Variants in PDZRN3 observed in about 807,000 individuals in gnomAD.
PDZRN3 encodes the protein E3 ubiquitin-protein ligase PDZRN3.
In PDZRN3, 38 loss-of-function variants were observed where a neutral mutation model predicts 85.7. The ratio of observed to expected loss-of-function variants is 0.44; its 90% CI spans 0.34 to 0.58. The LOEUF is 0.58. Among genes scored for constraint, PDZRN3 ranks in the 20% least tolerant of loss-of-function variants. The pLI, the probability that PDZRN3 is intolerant of heterozygous loss-of-function variation, is 0.01. For missense variants in PDZRN3, 1,629 were observed against 1,506.4 expected (o/e 1.08, Z -1.35); for synonymous variants, 759 against 638.0 (o/e 1.19, Z -2.86).
Position 73,387,961 on chromosome 3 carries a change from A to C in PDZRN3, c.1518+7T>G, listed in dbSNP as rs6549532. ...GACCCAGTTTCATCTGTAGGAAGCC[A>C]ATTTACCTGGAGTTCAGGCCTTGCA... On this transcript the variant is annotated splice_region_variant and intron_variant, in intron 8 of 9. Coordinates refer to ENST00000263666, the MANE Select transcript of PDZRN3 (RefSeq NM_015009.3). 7.7e-6 allele frequency: 11 copies of C among 1,420,470 alleles called. No individual in the cohort carries two copies. Among genetic ancestry groups the C allele is most frequent in the Admixed American group, 3.7e-5 (2 of 54,512 alleles). The allele number at this position is 1,420,470 out of a possible 1,614,324, so 88.0% of individuals were successfully genotyped here.
chr3:73,613,493 G>A (rs1002261284), intron 1 of PDZRN3, among the ~76,000 whole-genome samples: 1 of 152,052 alleles, frequency 6.6e-6, no homozygotes, highest in Non-Finnish European at 1.5e-5. Context: ...GGGAGTACAG[G>A]GTACTTGGGG....
chr3:73,496,518 C>T (rs1431813899), intron 3 of PDZRN3, among the ~76,000 whole-genome samples: 1 of 151,236 alleles, frequency 6.6e-6, no homozygotes, highest in African/African-American at 2.4e-5. Flanking sequence ...TCCCAGAGAC[C>T]ATGTCATTTC....
chr3:73,433,311 G>A (rs1257199698), intron 3 of PDZRN3, among the ~76,000 whole-genome samples: 1 of 152,146 alleles, frequency 6.6e-6, no homozygotes, highest in Non-Finnish European at 1.5e-5. Context: ...TTGTTCAAAG[G>A]GTGCATGACC....
chr3:73,554,627 A>C (rs1701647355), intron 3 of PDZRN3, among the ~76,000 whole-genome samples: 1 of 152,186 alleles, frequency 6.6e-6, no homozygotes, highest in Non-Finnish European at 1.5e-5. Flanking sequence ...TGAGGTAAAG[A>C]CTTCCATATC....
At chr3:73,412,374 A>G (rs1701991420) in intron 3 of PDZRN3, among the ~76,000 whole-genome samples, 1 of 152,208 alleles carries the variant, frequency 6.6e-6, no homozygotes, top group Admixed American at 6.5e-5. Context: ...TTCTACTCTC[A>G]AGCCTCTAGT....
At chr3:73,414,293 G>C (rs1702032931) in intron 3 of PDZRN3, among the ~76,000 whole-genome samples, 1 of 152,146 alleles carries the variant, frequency 6.6e-6, no homozygotes, top group African/African-American at 2.4e-5. Context: ...AAACACAAAA[G>C]TCAGGTAACA....
intron 3 of PDZRN3, among the ~76,000 whole-genome samples, chr3:73,426,123 G>A (rs568734681): frequency 1.3e-5 from 2 of 152,190 alleles, no homozygotes; most frequent in Non-Finnish European, 2.9e-5. Context: ...GGATAATGCT[G>A]GAGCCTGGAG....
intron 3 of PDZRN3, among the ~76,000 whole-genome samples, chr3:73,562,576 T>C (rs1475321258): frequency 6.6e-6 from 1 of 152,156 alleles, no homozygotes; most frequent in Non-Finnish European, 1.5e-5. Flanking sequence ...CACAAACCTA[T>C]ATTTACCAAG....
In PDZRN3 at chr3:73,384,541, C is replaced by A; in HGVS notation, c.2025G>T (p.Lys675Asn). ...YYPSGPLDAG[K>N]SDPESVDKEL... ...CCTTGTCCACGCTCTCAGGGTCACT[C>A]TTGCCGGCGTCCAGGGGGCCGCTAG... The change falls in exon 10 of 10, where the codon AAG (lysine) becomes AAT (asparagine). Residue 675 changes from lysine (K) to asparagine (N), a missense_variant. By Grantham distance (94) the Lys-to-Asn change is moderately conservative (BLOSUM62 0). Coordinates refer to ENST00000263666, the MANE Select transcript of PDZRN3 (RefSeq NM_015009.3). 1 of 1,613,764 alleles carries A rather than the reference C, an allele frequency of 6.2e-7. No individual in the cohort carries two copies. Among genetic ancestry groups the A allele is most frequent in the Non-Finnish European group, 8.5e-7 (1 of 1,180,036 alleles).
intron 5 of PDZRN3, among the ~76,000 whole-genome samples, chr3:73,396,012 C>G (rs985059371): frequency 6.6e-6 from 1 of 152,116 alleles, no homozygotes; most frequent in African/African-American, 2.4e-5. Flanking sequence ...CACTTGAGGT[C>G]AGGAGTTTGA....
chr3:73,453,072 A>G (rs1702899512), intron 3 of PDZRN3, among the ~76,000 whole-genome samples: 1 of 152,162 alleles, frequency 6.6e-6, no homozygotes, highest in African/African-American at 2.4e-5. Context: ...AACAGGTTGG[A>G]GAAAGTATGC....
intron 3 of PDZRN3, among the ~76,000 whole-genome samples, chr3:73,559,279 T>G (rs529633710): frequency 3.3e-5 from 5 of 152,360 alleles, no homozygotes; most frequent in Non-Finnish European, 5.9e-5. Flanking sequence ...AAACACAGTT[T>G]CACAGTTTGG....
chr3:73,423,886 C>T (rs1314247950), intron 3 of PDZRN3, among the ~76,000 whole-genome samples: 7 of 152,166 alleles, frequency 4.6e-5, no homozygotes, highest in Non-Finnish European at 7.4e-5. Context: ...CTAAGATACA[C>T]GTATGGAATT....
chr3:73,478,469 G>A lies in PDZRN3; in HGVS notation c.919-74074C>T, dbSNP rs190724082. Among the ~76,000 whole-genome samples, 200 of 152,030 alleles carry A rather than the reference G, an allele frequency of 1.3e-3. 1 individual carries two copies. The highest frequency in any genetic ancestry group is 2.4e-3 in the Non-Finnish European group (160 of 68,018). On this transcript the variant is annotated intron_variant, in intron 3 of 9. Transcript: ENST00000263666. ...CATCACCCCCAGATGAGACCATCCA[G>A]TTGCAAGGCTCCCACTGATTCTAGA... is the stretch of plus-strand genomic sequence containing the variant.
At chr3:73,427,438 C>G (rs897570950) in intron 3 of PDZRN3, among the ~76,000 whole-genome samples, 1 of 152,122 alleles carries the variant, frequency 6.6e-6, no homozygotes, top group Non-Finnish European at 1.5e-5. Flanking sequence ...TTACCCACCC[C>G]CCCACCACCG....
chr3:73,569,916 G>A (rs1482475167), intron 3 of PDZRN3, among the ~76,000 whole-genome samples: 1 of 152,122 alleles, frequency 6.6e-6, no homozygotes, highest in East Asian at 1.9e-4. Context: ...CCCCTCACAG[G>A]GCTGTTTTTA....
Position 73,624,443 on chromosome 3 carries a change from G to C in PDZRN3, c.383C>G (p.Ala128Gly). 7.5e-7 allele frequency: 1 copy of C among 1,334,352 alleles called. No homozygotes were observed. Among genetic ancestry groups the C allele is most frequent in the South Asian group, 1.9e-5 (1 of 51,390 alleles). The allele number at this position is 1,334,352 out of a possible 1,614,324, so 82.7% of individuals were successfully genotyped here. Residue 128 changes from alanine to glycine, a missense_variant, in exon 1 of 10, where the codon GCG (alanine) becomes GGG (glycine). By Grantham distance (60) the Ala-to-Gly change is moderately conservative. Coordinates refer to ENST00000263666, the MANE Select transcript of PDZRN3 (RefSeq NM_015009.3). ...CGCGTCGCAGGCGTCGCGCATGTGC[G>C]CCTCCACGTCGCGCCGCAGCAGCAC... ...GQVLLRRDVE[A>G]HMRDACDARP...
At chr3:73,397,403 A>G (rs1701661367) in intron 5 of PDZRN3, among the ~76,000 whole-genome samples, 1 of 152,162 alleles carries the variant, frequency 6.6e-6, no homozygotes, top group Admixed American at 6.5e-5. Context: ...TGAACCCAAG[A>G]GTTAGAACAA....
chr3:73,496,466 C>T (rs1157695653), intron 3 of PDZRN3, among the ~76,000 whole-genome samples: 3 of 151,860 alleles, frequency 2.0e-5, no homozygotes, highest in Non-Finnish European at 4.4e-5. Context: ...TATGTCAACT[C>T]GCCATTCTTT....
Sources: gnomAD v4.1 joint callset for allele counts (sites outside exome capture counted in the v4.1 genomes callset) on GRCh38, gnomAD v4.1.1 for gene constraint, MANE v1.5 for transcripts, NCBI Gene and HGNC (gene_info 2026-07-23, HGNC 2026-07-21) for gene names.